The following CSMD1 variants were observed in gnomAD, a reference collection of about 807,000 sequenced individuals.
CSMD1 encodes the protein CUB and sushi domain-containing protein 1.
In CSMD1, 213 loss-of-function variants were observed where a neutral mutation model predicts 417.5. The observed-to-expected ratio is 0.51, with a 90% CI of 0.46 to 0.57. CSMD1 has a LOEUF of 0.57. CSMD1 is among the 20% of genes least tolerant of loss of function. CSMD1 has a pLI of 0.00. For missense variants in CSMD1, 6,923 were observed against 4,529.7 expected, an observed-to-expected ratio of 1.53 and a Z score of -15.17; for synonymous variants, 2,862 against 1,736.8, an observed-to-expected ratio of 1.65 and a Z score of -16.11.
chr8:3,401,903 A>T (rs990440253), intron 15 of CSMD1, among the ~76,000 whole-genome samples: 4 of 152,198 alleles, frequency 2.6e-5, no homozygotes, highest in African/African-American at 9.6e-5. Context: ...GATAACAAAA[A>T]AAGCAAATAT....
At chr8:4,350,984 T>C (rs1584941589) in intron 3 of CSMD1, among the ~76,000 whole-genome samples, 1 of 152,172 alleles carries the variant, frequency 6.6e-6, no homozygotes, top group African/African-American at 2.4e-5. Flanking sequence ...TTAATAATTT[T>C]GCCTCTCTGC....
At chr8:3,558,254 C>A (rs906375400) in intron 10 of CSMD1, among the ~76,000 whole-genome samples, 2 of 150,142 alleles carry the variant, frequency 1.3e-5, no homozygotes, top group Non-Finnish European at 3.0e-5. Context: ...CTCAATAGTA[C>A]CCTGTGTCCA....
chr8:3,265,439 C>G lies in CSMD1; in HGVS notation c.4153+18705G>C, dbSNP rs62505005. Reference sequence around the variant, plus strand: ...CATATTAAATGGGTCGTTATTTACTCTCAGGGATCAGAGACGTTTCCTAAA... The same window carrying G: ...CATATTAAATGGGTCGTTATTTACTGTCAGGGATCAGAGACGTTTCCTAAA... On this transcript the variant is annotated intron_variant, in intron 26 of 69. Transcript: ENST00000635120. Among the ~76,000 whole-genome samples the G allele has an allele frequency of 2.5e-3, 376 of 152,264 alleles. 2 individuals are homozygous for G. Among genetic ancestry groups the G allele is most frequent in the Non-Finnish European group, 3.2e-3 (218 of 68,030 alleles).
intron 25 of CSMD1, among the ~76,000 whole-genome samples, chr8:3,293,106 G>T (rs975475628): frequency 6.6e-6 from 1 of 151,338 alleles, no homozygotes; most frequent in Non-Finnish European, 1.5e-5. Flanking sequence ...GGCTGGATAT[G>T]AAATTCTGGG....
In CSMD1 at chr8:4,747,594, T is replaced by C. The variant is rs551680474; in HGVS notation, c.86-110036A>G. ...ATTGTCACCTGCTAAATACACTGAA[T>C]GTTGTGCTTCTCTCTTTATTCTGGA... On this transcript the variant is annotated intron_variant, in intron 1 of 69. Transcript: ENST00000635120. Among the ~76,000 whole-genome samples the C allele has an allele frequency of 2.0e-5, 3 of 152,332 alleles. No individual in the cohort carries two copies. The East Asian group carries it at 5.8e-4, about 29-fold the overall frequency.
intron 3 of CSMD1, among the ~76,000 whole-genome samples, chr8:4,252,069 A>C (rs1803119287): frequency 6.6e-6 from 1 of 152,190 alleles, no homozygotes; most frequent in African/African-American, 2.4e-5. Flanking sequence ...ATTCCCAGAA[A>C]TTAAACTGAA....
At position 4,330,793 on chromosome 8, in the gene CSMD1, A is replaced by G. The variant is rs186092168; in HGVS notation, c.415+89160T>C. On this transcript the variant is annotated intron_variant, in intron 3 of 69. Coordinates refer to ENST00000635120, the MANE Select transcript of CSMD1 (RefSeq NM_033225.6). ...CTCCCTACTTATCATTTCTTTCCCT[A>G]TCTATCTTCTGAAGCACTGTTCATT... is the stretch of plus-strand genomic sequence containing the variant. 5.3e-5 allele frequency among the ~76,000 whole-genome samples: 8 copies of G among 151,784 alleles called. No individual in the cohort carries two copies. In the East Asian group the frequency reaches 1.4e-3, roughly 26 times the overall value.
In CSMD1 at chr8:3,754,472, T is replaced by A. The variant is rs2720862; in HGVS notation, c.819-430A>T. 2.2e-3 allele frequency among the ~76,000 whole-genome samples: 223 copies of A among 100,850 alleles called. 3 individuals carry two copies. In the East Asian group the frequency reaches 0.037, roughly 17 times the overall value. 66.2% of individuals were successfully genotyped at this position (100,850 alleles called of 152,430 possible). On this transcript the variant is annotated intron_variant, in intron 5 of 69. Transcript: ENST00000635120. ...TATTTATTTATTTATTTATTTATTT[T>A]GAGACGGAGTCTCACTGTGTCATCC... is the stretch of plus-strand genomic sequence containing the variant.
chr8:4,219,532 G>A (rs1017908286), intron 3 of CSMD1, among the ~76,000 whole-genome samples: 7 of 144,812 alleles, frequency 4.8e-5, no homozygotes, highest in African/African-American at 7.8e-5. Context: ...CCGCAAACGT[G>A]ACTTAAACAT....
intron 3 of CSMD1, among the ~76,000 whole-genome samples, chr8:4,143,410 T>C (rs1034654859): frequency 2.7e-5 from 4 of 148,990 alleles, no homozygotes; most frequent in African/African-American, 1.0e-4. Context: ...GTTAATTAGG[T>C]GGAACCCAGG....
chr8:4,765,345 G>A (rs1248413821), intron 1 of CSMD1, among the ~76,000 whole-genome samples: 2 of 152,106 alleles, frequency 1.3e-5, no homozygotes, highest in Non-Finnish European at 2.9e-5. Context: ...TCACTTCATT[G>A]TTCTCCACAA....
intron 5 of CSMD1, among the ~76,000 whole-genome samples, chr8:3,765,048 C>G (rs1429024442): frequency 1.3e-5 from 2 of 152,124 alleles, no homozygotes; most frequent in Non-Finnish European, 2.9e-5. Context: ...CCTGGCTGCA[C>G]TGCCCTTTTT....
At chr8:3,031,623 G>A (rs1810346588) in intron 50 of CSMD1, among the ~76,000 whole-genome samples, 1 of 152,008 alleles carries the variant, frequency 6.6e-6, no homozygotes, top group South Asian at 2.1e-4. Context: ...TGGTCCTGAA[G>A]TCTTGGGTCA....
chr8:3,970,882 G>C (rs1440690701), intron 5 of CSMD1, among the ~76,000 whole-genome samples: 2 of 152,060 alleles, frequency 1.3e-5, no homozygotes, highest in African/African-American at 2.4e-5. Context: ...CTCCTGAGTA[G>C]CTGGGATTAC....
intron 10 of CSMD1, among the ~76,000 whole-genome samples, chr8:3,500,800 C>T (rs1035982644): frequency 9.2e-5 from 14 of 152,046 alleles, no homozygotes; most frequent in African/African-American, 2.4e-4. Context: ...ATGGAAGAAG[C>T]GCTAAAGTGG....
At chr8:3,758,272 A>C (rs986391079) in intron 5 of CSMD1, among the ~76,000 whole-genome samples, 1 of 152,212 alleles carries the variant, frequency 6.6e-6, no homozygotes, top group South Asian at 2.1e-4. Context: ...CCTTGCACAG[A>C]TTCCTTTTAT....
chr8:4,255,208 T>C (rs767958061), intron 3 of CSMD1, among the ~76,000 whole-genome samples: 83 of 152,326 alleles, frequency 5.4e-4, no homozygotes, highest in Non-Finnish European at 8.4e-4. Flanking sequence ...CTAATTTTTA[T>C]AAGCAGCGCA....
At chr8:3,501,683 G>A (rs1399438711) in intron 10 of CSMD1, among the ~76,000 whole-genome samples, 2 of 152,090 alleles carry the variant, frequency 1.3e-5, no homozygotes, top group Non-Finnish European at 2.9e-5. Context: ...TTCAAACAGT[G>A]AATTTCCTCA....
chr8:4,460,708 G>C (rs958858920), intron 2 of CSMD1, among the ~76,000 whole-genome samples: 1 of 152,074 alleles, frequency 6.6e-6, no homozygotes, highest in African/African-American at 2.4e-5. Context: ...CAAACTGGAT[G>C]ACTACAAAAA....
Sources: allele counts gnomAD v4.1 joint callset (sites outside exome capture counted in the v4.1 genomes callset), GRCh38; gene constraint gnomAD v4.1.1; transcripts MANE v1.5; gene names NCBI Gene and HGNC (gene_info 2026-07-23, HGNC 2026-07-21).